INTS1: variants seen among roughly 807,000 people sequenced by gnomAD.
INTS1 encodes integrator complex subunit 1.
INTS1 carries 137 observed loss-of-function variants against 241.6 expected under a neutral mutation model. The ratio of observed to expected loss-of-function variants is 0.57; its 90% confidence interval spans 0.49 to 0.65. INTS1 has a LOEUF of 0.65. INTS1 is among the 30% of genes least tolerant of loss of function. The pLI is 0.00. For missense variants in INTS1, 3,073 were observed against 3,032.2 expected, an observed-to-expected ratio of 1.01 and a Z score of -0.32; for synonymous variants, 1,692 against 1,337.8, an observed-to-expected ratio of 1.26 and a Z score of -5.78.
rs757889356 is a variant in INTS1, at chr7:1,473,566, T to C, written c.5957A>G (p.His1986Arg). ...TTCCCTGCAGCCCGTGGGCACTCAC[T>C]GGAGCGGGTCGGCGTGCTTCTGCAG... ...SFLQKHADPLHDLSFDNSDLV... is the reference protein window; with the variant it reads ...SFLQKHADPLRDLSFDNSDLV... The change falls in exon 42 of 48, where the codon CAC (histidine) becomes CGC (arginine). Residue 1986 changes from histidine (H) to arginine (R), a missense_variant and splice_region_variant. Physicochemically the swap from His to Arg is conservative, Grantham distance 29. Coordinates refer to ENST00000404767, the MANE Select transcript of INTS1 (RefSeq NM_001080453.3). 1.1e-5 allele frequency: 18 copies of C among 1,588,254 alleles called. No individual in the cohort carries two copies. Among genetic ancestry groups the C allele is most frequent in the Non-Finnish European group, 5.1e-6 (6 of 1,168,072 alleles).
rs571994538 is a variant in INTS1, at chr7:1,479,723, A to AG, written c.4075-40dup. 1.8e-4 allele frequency: 240 copies of AG among 1,299,394 alleles called. 1 individual carries two copies. Among genetic ancestry groups the AG allele is most frequent in the African/African-American group, 1.5e-3 (93 of 62,972 alleles). The allele number at this position is 1,299,394 out of a possible 1,614,324, so 80.5% of individuals were successfully genotyped here. On this transcript the variant is annotated intron_variant, in intron 30 of 47. Transcript: ENST00000404767. ...GGCCAGTGTCAGGAGGAAGCGGAGG[A>AG]GAAGGAGGAGGAGCGCAGCGGAGAG...
intron 2 of INTS1, 105 bp from the exon 3 acceptor site, chr7:1,503,296 G>GAGGAGGCAAGGA (rs1783288567): frequency 8.0e-7 from 1 of 1,252,556 alleles, no homozygotes; most frequent in Admixed American, 2.5e-5. Flanking sequence ...ACAAGGGTCA[G>GAGGAGGCAAGGA]AGGAGGCAAG....
intron 14 of INTS1, chr7:1,494,500 T>C (rs1192716305): frequency 4.3e-5 from 20 of 461,982 alleles, no homozygotes; most frequent in Non-Finnish European, 7.6e-5. Flanking sequence ...AGACGGTGCA[T>C]CTGAGACTGC....
rs200432342 is a variant in INTS1, at chr7:1,489,615, C to G, written c.2233G>C (p.Ala745Pro). 6.3e-7 allele frequency: 1 copy of G among 1,587,744 alleles called. No homozygotes were observed. Among genetic ancestry groups the G allele is most frequent in the African/African-American group, 1.3e-5 (1 of 74,536 alleles). Residue 745 changes from alanine to proline, a missense_variant, in exon 17 of 48, where the codon GCC becomes CCC. Coordinates refer to ENST00000404767, the MANE Select transcript of INTS1 (RefSeq NM_001080453.3). ...CCGATGTTCTCTGGGTTGAATGCGGCGACGACCAGCAGGAGGGGCCAGGCC... is the reference window on the plus strand; with the variant it reads ...CCGATGTTCTCTGGGTTGAATGCGGGGACGACCAGCAGGAGGGGCCAGGCC... Reference protein sequence around the residue: ...WKAWPLLLVVAAFNPENIGLA... With the variant: ...WKAWPLLLVVPAFNPENIGLA...
At chr7:1,478,110 G>A (rs1008555041) in intron 33 of INTS1, among the ~76,000 whole-genome samples, 174 bp from the exon 34 acceptor site, 31 of 148,262 alleles carry the variant, frequency 2.1e-4, no homozygotes, top group Middle Eastern at 6.9e-3. Flanking sequence ...GAGTGCGGCC[G>A]GGGCTGGAGA....
Position 1,497,792 on chromosome 7 carries a change from G to A in INTS1, c.1426-478C>T, listed in dbSNP as rs1217703362. 8.5e-5 allele frequency among the ~76,000 whole-genome samples: 13 copies of A among 152,358 alleles called. No individual in the cohort carries two copies. The highest frequency in any genetic ancestry group is 4.1e-4 in the South Asian group (2 of 4,832). On this transcript the variant is annotated intron_variant, in intron 10 of 47. Transcript: ENST00000404767. This position sits in a 1 kb window ranked among gnomAD's most constrained non-coding sequence, Gnocchi z 5.3. ...TGTTTCACACTCCATAGAGCCCACC[G>A]GGAGGCCTAATGCGCTGGTGGCGAT...
In INTS1 at chr7:1,474,701, G is replaced by A; in HGVS notation, c.5636+4C>T. 1 of 1,557,712 alleles carries A rather than the reference G, an allele frequency of 6.4e-7. No individual in the cohort carries two copies. Among genetic ancestry groups the A allele is most frequent in the Non-Finnish European group, 8.7e-7 (1 of 1,152,914 alleles). ...TGGCGAGGGCAGGGCTTCTGGGACAGCACCTGAGCAGCAGCAGCGGGTGCG... is the reference window on the plus strand; with the variant it reads ...TGGCGAGGGCAGGGCTTCTGGGACAACACCTGAGCAGCAGCAGCGGGTGCG... On this transcript the variant is annotated splice_donor_region_variant and intron_variant, in intron 40 of 47. Coordinates refer to ENST00000404767, the MANE Select transcript of INTS1 (RefSeq NM_001080453.3).
At chr7:1,487,543 G>A (rs534232247) in intron 19 of INTS1, 94 bp from the exon 20 acceptor site, 17 of 1,454,390 alleles carry the variant, frequency 1.2e-5, no homozygotes, top group African/African-American at 2.8e-5. Context: ...AGGGGCAGCC[G>A]ACAGCCCGAG....
At chr7:1,486,548 A>G in intron 22 of INTS1, 77 bp downstream of exon 22, 5 of 1,487,998 alleles carry the variant, frequency 3.4e-6, no homozygotes, top group Non-Finnish European at 4.5e-6. Context: ...GACAGGCGTG[A>G]GCCACCGTGC....
At position 1,486,495 on chromosome 7, in the gene INTS1, C is replaced by T. The variant is rs564608072; in HGVS notation, c.2976+130G>A. 5.6e-5 allele frequency: 57 copies of T among 1,016,614 alleles called. 1 individual carries two copies. In the African/African-American group the frequency reaches 8.6e-4, roughly 15 times the overall value. The allele number at this position is 1,016,614 out of a possible 1,614,324, so 63.0% of individuals were successfully genotyped here. On this transcript the variant is annotated intron_variant, in intron 22 of 47. Coordinates refer to ENST00000404767, the MANE Select transcript of INTS1 (RefSeq NM_001080453.3). The stretch of plus-strand genomic sequence containing the variant: ...GGCCAGGCTGGTCTCCAACTCCTGA[C>T]CTCAGGTAATCTGCCTGCCTTGGCC...
chr7:1,472,673 C>A (rs1781525367), intron 43 of INTS1, among the ~76,000 whole-genome samples: 1 of 152,224 alleles, frequency 6.6e-6, no homozygotes, highest in Non-Finnish European at 1.5e-5. Context: ...TGGCGCTCTT[C>A]CGGCGGCACA....
rs1477609670 is a variant in INTS1, at chr7:1,497,865, G to T, written c.1425+547C>A. On this transcript the variant is annotated intron_variant, in intron 10 of 47. Transcript: ENST00000404767. The surrounding 1 kb of genome is among the most constrained non-coding windows in gnomAD (Gnocchi z 5.3). The stretch of plus-strand genomic sequence containing the variant: ...TCAAAGGAGACACGGAAATCCAAGG[G>T]TCCTACAGCCAGGGCTACAGGGACC... 6.6e-6 allele frequency among the ~76,000 whole-genome samples: 1 copy of T among 152,204 alleles called. No individual in the cohort carries two copies. Among genetic ancestry groups the T allele is most frequent in the Non-Finnish European group, 1.5e-5 (1 of 68,042 alleles).
At chr7:1,474,974 T>C (rs1226202824) in intron 39 of INTS1, 136 bp from the exon 40 acceptor site, 16 of 1,186,742 alleles carry the variant, frequency 1.3e-5, no homozygotes, top group Admixed American at 2.7e-5. Flanking sequence ...CCTTACGGCT[T>C]CCATGAGCAC....
Position 1,479,546 on chromosome 7 carries a change from C to G in INTS1, c.4213G>C (p.Val1405Leu). ...AGCAGGGTGGCGAGGGCCTGCAGGA[C>G]ACGCACCGTGATGCCCGGCACCTCG... ...SPEVPGITVR[V>L]LQALATLLSS... Residue 1405 changes from valine to leucine, a missense_variant, in exon 31 of 48, where the codon GTC (valine) becomes CTC (leucine). Physicochemically the swap from Val to Leu is conservative, Grantham distance 32. Transcript: ENST00000404767. 6.4e-7 allele frequency: 1 copy of G among 1,557,566 alleles called. No individual in the cohort carries two copies. Among genetic ancestry groups the G allele is most frequent in the Non-Finnish European group, 8.7e-7 (1 of 1,152,610 alleles).
chr7:1,497,462 C>T lies in INTS1; in HGVS notation c.1426-148G>A. The T allele has an allele frequency of 1.3e-6, 1 of 759,146 alleles. No individual in the cohort carries two copies. Among genetic ancestry groups the T allele is most frequent in the African/African-American group, 1.8e-5 (1 of 56,536 alleles). 47.0% of individuals were successfully genotyped at this position (759,146 alleles called of 1,614,324 possible). ...GGTGCGGGGTGGCGGGCTCCTTGCT[C>T]TACTGGCTGCCAGCCCTTGGCGAGC... On this transcript the variant is annotated intron_variant, in intron 10 of 47. Transcript: ENST00000404767. The surrounding 1 kb of genome is among the most constrained non-coding windows in gnomAD (Gnocchi z 5.3).
In INTS1 at chr7:1,471,152, A is replaced by C; in HGVS notation, c.6328T>G (p.Ser2110Ala). ...RNLAFSLALR[S>A]MQNSPSIAAA... The stretch of plus-strand genomic sequence containing the variant: ...CCTCACCTGGGGCTGTTCTGCATGG[A>C]GCGCAGGGCCAGGCTGAAGGCGAGG... Residue 2110 changes from serine (S) to alanine (A), a missense_variant, in exon 46 of 48, where the codon TCC becomes GCC. Ser to Ala is a moderately conservative substitution (Grantham distance 99). Transcript: ENST00000404767. 6.3e-7 allele frequency: 1 copy of C among 1,576,004 alleles called. No homozygotes were observed. The highest frequency in any genetic ancestry group is 8.6e-7 in the Non-Finnish European group (1 of 1,162,214).
At chr7:1,478,240 G>A in intron 33 of INTS1, 126 bp downstream of exon 33, 1 of 1,102,358 alleles carries the variant, frequency 9.1e-7, no homozygotes, top group South Asian at 1.5e-5. Context: ...GGGGACCTCT[G>A]TGGGCACTTT....
chr7:1,478,912 A>C, intron 31 of INTS1, 27 bp from the exon 32 acceptor site: 1 of 1,580,820 alleles, frequency 6.3e-7, no homozygotes. Flanking sequence ...GCACGTGGCT[A>C]CCCTGGCAGA....
At chr7:1,483,979 G>T in intron 25 of INTS1, 24 bp downstream of exon 25, 10 of 1,596,954 alleles carry the variant, frequency 6.3e-6, no homozygotes, top group Non-Finnish European at 7.7e-6. Context: ...GCCCTCACCC[G>T]GCCGTAGACC....
Sources: allele counts gnomAD v4.1 joint callset (sites outside exome capture counted in the v4.1 genomes callset), GRCh38; gene constraint gnomAD v4.1.1; non-coding constraint Gnocchi (gnomAD v3.1); transcripts MANE v1.5; gene names NCBI Gene and HGNC (gene_info 2026-07-23, HGNC 2026-07-21).